The following UNC5D variants were observed in gnomAD, a reference collection of about 807,000 sequenced individuals.
UNC5D encodes the protein netrin receptor UNC5D.
In UNC5D, 39 loss-of-function variants were observed where a neutral mutation model predicts 105.4. The observed-to-expected ratio is 0.37, with a 90% CI of 0.29 to 0.48. The LOEUF is 0.48. Ranked by LOEUF, UNC5D falls within the 20% of genes least tolerant of loss-of-function variation. The pLI, the probability that UNC5D is intolerant of heterozygous loss-of-function variation, is 0.98. For synonymous variants in UNC5D, 452 were observed against 450.4 expected (o/e 1.00, Z -0.04); for missense variants, 991 against 1,202.4 (o/e 0.82, Z 2.60).
intron 1 of UNC5D, among the ~76,000 whole-genome samples, chr8:35,292,345 T>C (rs1807133209): frequency 6.6e-6 from 1 of 152,234 alleles, no homozygotes; most frequent in South Asian, 2.1e-4. Flanking sequence ...CCAAATTGCA[T>C]TGCTACAAAG....
At chr8:35,268,886 A>G (rs1805078901) in intron 1 of UNC5D, among the ~76,000 whole-genome samples, 1 of 152,192 alleles carries the variant, frequency 6.6e-6, no homozygotes. Flanking sequence ...AAATAAATCT[A>G]CATTTATTGG....
In UNC5D at chr8:35,705,205, C is replaced by T. The variant is rs1827489992; in HGVS notation, c.1085-724C>T. On this transcript the variant is annotated intron_variant, in intron 7 of 16. Transcript: ENST00000404895. ...GGTCTCGATCTCCTGACCTCGTGAT[C>T]CGCCCGCCTTGGCCTCCCAAAGTGC... 2.0e-5 allele frequency among the ~76,000 whole-genome samples: 3 copies of T among 152,130 alleles called. No homozygotes were observed. In the South Asian group the frequency reaches 6.2e-4, roughly 31 times the overall value.
chr8:35,481,021 C>A (rs1395168592), intron 1 of UNC5D, among the ~76,000 whole-genome samples: 1 of 152,004 alleles, frequency 6.6e-6, no homozygotes, highest in Non-Finnish European at 1.5e-5. Context: ...GAACTGAGAA[C>A]CTGAGATGTT....
In UNC5D at chr8:35,329,628, G is replaced by T. The variant is rs577193781; in HGVS notation, c.103+93741G>T. ...GACTCCTTTCCATGTATTAGGCCAT[G>T]ATCGGGTATGCTATAGAGCTAAACC... On this transcript the variant is annotated intron_variant, in intron 1 of 16. Transcript: ENST00000404895. Among the ~76,000 whole-genome samples, 10 of 152,008 alleles carry T rather than the reference G, an allele frequency of 6.6e-5. No homozygotes were observed. The South Asian group carries it at 1.7e-3, about 25-fold the overall frequency.
chr8:35,571,615 C>T (rs923466081), intron 3 of UNC5D, among the ~76,000 whole-genome samples: 7 of 152,112 alleles, frequency 4.6e-5, no homozygotes, highest in African/African-American at 1.4e-4. Flanking sequence ...AGAAAAAATC[C>T]ACTTTAGAGA....
At chr8:35,501,818 G>A (rs1303412547) in intron 1 of UNC5D, among the ~76,000 whole-genome samples, 2 of 152,118 alleles carry the variant, frequency 1.3e-5, no homozygotes, top group Non-Finnish European at 2.9e-5. Context: ...ACTACTTTGT[G>A]CTTTATTTGA....
chr8:35,704,214 AGT>A (rs1827389186), intron 7 of UNC5D, among the ~76,000 whole-genome samples: 2 of 152,328 alleles, frequency 1.3e-5, no homozygotes, highest in Admixed American at 6.5e-5. Context: ...CATTTTCAAG[AGT>A]GTGATTTATA....
At chr8:35,752,786 A>G (rs1044096875) in intron 13 of UNC5D, among the ~76,000 whole-genome samples, 9 of 152,158 alleles carry the variant, frequency 5.9e-5, no homozygotes, top group Non-Finnish European at 1.2e-4. Context: ...ATGTACCATG[A>G]CTCAAGTTGG....
intron 1 of UNC5D, among the ~76,000 whole-genome samples, chr8:35,295,624 C>T (rs185981390): frequency 6.6e-6 from 1 of 152,220 alleles, no homozygotes; most frequent in African/African-American, 2.4e-5. Flanking sequence ...TGGTAACTAT[C>T]CTACAATCAA....
chr8:35,285,840 T>C (rs1806555591), intron 1 of UNC5D, among the ~76,000 whole-genome samples: 1 of 152,190 alleles, frequency 6.6e-6, no homozygotes, highest in Non-Finnish European at 1.5e-5. Flanking sequence ...AGCAGTTTTC[T>C]ATCTAGCTAC....
At chr8:35,308,956 G>A (rs1808656061) in intron 1 of UNC5D, among the ~76,000 whole-genome samples, 1 of 152,124 alleles carries the variant, frequency 6.6e-6, no homozygotes, top group South Asian at 2.1e-4. Flanking sequence ...TGTGTCAACT[G>A]GTAAAAGGGA....
chr8:35,698,886 T>A (rs754057824), intron 7 of UNC5D, among the ~76,000 whole-genome samples: 15 of 152,294 alleles, frequency 9.8e-5, no homozygotes, highest in Admixed American at 2.6e-4. Context: ...TTGTTCCATT[T>A]TGAATATATA....
At chr8:35,388,445 G>A (rs1380698337) in intron 1 of UNC5D, among the ~76,000 whole-genome samples, 1 of 152,062 alleles carries the variant, frequency 6.6e-6, no homozygotes, top group Non-Finnish European at 1.5e-5. Flanking sequence ...TGAATCTCCA[G>A]TCCACCATAC....
chr8:35,557,208 T>G (rs1183525181), intron 2 of UNC5D, among the ~76,000 whole-genome samples: 1 of 152,190 alleles, frequency 6.6e-6, no homozygotes, highest in East Asian at 1.9e-4. Context: ...TAATTTGCTT[T>G]CCTTTACCAG....
intron 1 of UNC5D, among the ~76,000 whole-genome samples, chr8:35,279,273 A>G (rs1305390440): frequency 6.6e-6 from 1 of 152,184 alleles, no homozygotes; most frequent in African/African-American, 2.4e-5. Flanking sequence ...CTGAAAGAAA[A>G]AGGTAAATAA....
chr8:35,520,881 T>C (rs1176458342), intron 1 of UNC5D, among the ~76,000 whole-genome samples: 1 of 152,170 alleles, frequency 6.6e-6, no homozygotes, highest in Admixed American at 6.5e-5. Context: ...TTACAATTCA[T>C]TTCTAATTTT....
chr8:35,496,556 G>T (rs925737481), intron 1 of UNC5D, among the ~76,000 whole-genome samples: 1 of 152,140 alleles, frequency 6.6e-6, no homozygotes, highest in Non-Finnish European at 1.5e-5. Flanking sequence ...GGATGGGGCA[G>T]TAATGGAGGG....
rs773217806 is a variant in UNC5D, at chr8:35,568,153, C to T, written c.378C>T (p.Phe126=). ...INVTRQQVED[F]HGPEDYWCQC... ...TTACTAGGCAACAGGTGGAGGACTT[C>T]CATGGGCCCGAGGACTATTGGTGCC... Residue 126 remains phenylalanine, a synonymous_variant, in exon 3 of 17, where the codon TTC becomes TTT. Transcript: ENST00000404895. The T allele has an allele frequency of 1.2e-6, 2 of 1,614,092 alleles. No individual in the cohort carries two copies. The highest frequency in any genetic ancestry group is 2.7e-5 in the African/African-American group (2 of 74,938).
Position 35,286,043 on chromosome 8 carries a change from T to A in UNC5D, c.103+50156T>A, listed in dbSNP as rs559497783. 3.2e-3 allele frequency among the ~76,000 whole-genome samples: 487 copies of A among 152,202 alleles called. 3 individuals carry two copies. The highest frequency in any genetic ancestry group is 0.011 in the African/African-American group (467 of 41,538). On this transcript the variant is annotated intron_variant, in intron 1 of 16. Coordinates refer to ENST00000404895, the MANE Select transcript of UNC5D (RefSeq NM_080872.4). Reference sequence around the variant, plus strand: ...ATTTATGAGGCCCCAAAGTTTTATATAAAAATGAAAAAGCTGTTTGGCAGT... The same window carrying A: ...ATTTATGAGGCCCCAAAGTTTTATAAAAAAATGAAAAAGCTGTTTGGCAGT...
Sources: gnomAD v4.1 joint callset for allele counts (sites outside exome capture counted in the v4.1 genomes callset) on GRCh38, gnomAD v4.1.1 for gene constraint, MANE v1.5 for transcripts, NCBI Gene and HGNC (gene_info 2026-07-23, HGNC 2026-07-21) for gene names.